Variants in BMF observed in about 807,000 individuals in gnomAD.
BMF encodes the protein Bcl2 modifying factor.
BMF carries 10 observed loss-of-function variants against 22.0 expected under a neutral mutation model. The ratio of observed to expected loss-of-function variants is 0.45; its 90% CI spans 0.28 to 0.77. The LOEUF is 0.77. Ranked by LOEUF, BMF falls within the 30% of genes least tolerant of loss-of-function variation. The pLI, the probability that BMF is intolerant of heterozygous loss-of-function variation, is 0.13. For synonymous variants in BMF, 87 were observed against 88.1 expected (o/e 0.99, Z 0.07); for missense variants, 206 against 226.8 (o/e 0.91, Z 0.59).
Position 40,094,221 on chromosome 15 carries a change from C to A in BMF, c.454-2333G>T, listed in dbSNP as rs546460622. On this transcript the variant is annotated intron_variant, in intron 4 of 4. Transcript: ENST00000354670. ...ATTCCACTAATGGAGGCCACCTACT[C>A]CCTGGGCAACTTGAGATCTCTGAAG... 2.6e-5 allele frequency among the ~76,000 whole-genome samples: 4 copies of A among 152,320 alleles called. No individual in the cohort carries two copies. The South Asian group carries it at 8.3e-4, about 32-fold the overall frequency.
chr15:40,098,271 G>A (rs1242178726), intron 4 of BMF, among the ~76,000 whole-genome samples: 3 of 152,158 alleles, frequency 2.0e-5, no homozygotes, highest in Non-Finnish European at 2.9e-5. Flanking sequence ...GGTACGGTTC[G>A]GGGACAGAGC....
intron 4 of BMF, among the ~76,000 whole-genome samples, chr15:40,097,102 A>C (rs1479700358): frequency 6.6e-6 from 1 of 152,232 alleles, no homozygotes; most frequent in African/African-American, 2.4e-5. Context: ...TTCCTGCTTG[A>C]AGGAAGCTAG....
At chr15:40,107,533 AGTGT>A (rs58296260) in intron 2 of BMF, among the ~76,000 whole-genome samples, 29,185 of 137,312 alleles carry the variant, frequency 0.21, 3,192 homozygotes, top group Non-Finnish European at 0.25. Context: ...GTGTTTCCCA[AGTGT>A]GTGTGTGTGT....
In BMF at chr15:40,106,101, G is replaced by C. The variant is rs751761765; in HGVS notation, c.-5-10C>G. The C allele has an allele frequency of 7.6e-6, 12 of 1,576,546 alleles. No individual in the cohort carries two copies. The South Asian group carries it at 1.4e-4, about 18-fold the overall frequency. ...GATGGCTCCATCTCTCCTGTGAGGG[G>C]GCAACGCAGGCATCTGGGCTGCTGC... On this transcript the variant is annotated splice_polypyrimidine_tract_variant and intron_variant, in intron 2 of 4. Coordinates refer to ENST00000354670, the MANE Select transcript of BMF (RefSeq NM_001003940.2). This position sits in a 1 kb window ranked among gnomAD's most constrained non-coding sequence, Gnocchi z 4.1.
At chr15:40,107,314 T>C (rs1222140845) in intron 2 of BMF, among the ~76,000 whole-genome samples, 1 of 152,238 alleles carries the variant, frequency 6.6e-6, no homozygotes. Flanking sequence ...AAATGGTCTA[T>C]GGATTGGTGA....
intron 4 of BMF, among the ~76,000 whole-genome samples, chr15:40,092,439 GCA>G (rs2036257393): frequency 6.8e-6 from 1 of 147,976 alleles, no homozygotes; most frequent in Non-Finnish European, 1.5e-5. Flanking sequence ...GTGCAAACAC[GCA>G]CACACACAGA....
intron 4 of BMF, among the ~76,000 whole-genome samples, chr15:40,103,237 T>G (rs2036515441): frequency 6.6e-6 from 1 of 152,268 alleles, no homozygotes; most frequent in African/African-American, 2.4e-5. Context: ...CAGAGCCAGC[T>G]GGGCTGGGGA....
At chr15:40,092,206 A>G (rs1351228093) in intron 4 of BMF, among the ~76,000 whole-genome samples, 2 of 152,222 alleles carry the variant, frequency 1.3e-5, no homozygotes, top group Non-Finnish European at 1.5e-5. Flanking sequence ...GCTGCTTTTA[A>G]TCAGATTGGC....
rs1201248997 is a variant in BMF, at chr15:40,087,968, G to T, written c.*3819C>A. 2.0e-5 allele frequency: 3 copies of T among 152,348 alleles called. No homozygotes were observed. The highest frequency in any genetic ancestry group is 2.9e-5 in the Non-Finnish European group (2 of 68,040). The allele number at this position is 152,348 out of a possible 1,614,324, so 9.4% of individuals were successfully genotyped here. A position where few individuals can be genotyped will look rare whatever the true frequency, so the allele number is the denominator to read the frequency against. On this transcript the variant is annotated 3_prime_UTR_variant, in exon 5 of 5. Coordinates refer to ENST00000354670, the MANE Select transcript of BMF (RefSeq NM_001003940.2). ...TACACACATACACACATATGCATGTGAAGAACATAAACACATAAAGCCAAA... is the reference window on the plus strand; with the variant it reads ...TACACACATACACACATATGCATGTTAAGAACATAAACACATAAAGCCAAA...
chr15:40,103,190 C>T (rs1371859831), intron 4 of BMF, among the ~76,000 whole-genome samples: 1 of 152,248 alleles, frequency 6.6e-6, no homozygotes, highest in African/African-American at 2.4e-5. Flanking sequence ...TATTTATTCC[C>T]TTGATTTCCT....
At position 40,089,546 on chromosome 15, in the gene BMF, G is replaced by T. The variant is rs948336535; in HGVS notation, c.*2241C>A. 6.6e-6 allele frequency: 1 copy of T among 152,238 alleles called. No homozygotes were observed. The highest frequency in any genetic ancestry group is 2.4e-5 in the African/African-American group (1 of 41,452). 9.4% of individuals were successfully genotyped at this position (152,238 alleles called of 1,614,324 possible). A position where few individuals can be genotyped will look rare whatever the true frequency, so the allele number is the denominator to read the frequency against. On this transcript the variant is annotated 3_prime_UTR_variant, in exon 5 of 5. Coordinates refer to ENST00000354670, the MANE Select transcript of BMF (RefSeq NM_001003940.2). The stretch of plus-strand genomic sequence containing the variant: ...TGTTGAGGTGGGTTTGTCAAAGTCT[G>T]GGCTCAGTTCTCAGGCCACAGGGCA...
intron 4 of BMF, among the ~76,000 whole-genome samples, chr15:40,093,168 G>A (rs571468426): frequency 2.0e-5 from 3 of 152,306 alleles, no homozygotes; most frequent in East Asian, 3.9e-4. Flanking sequence ...CCTTTCCCAG[G>A]GCCACCATGC....
intron 4 of BMF, among the ~76,000 whole-genome samples, chr15:40,102,575 G>C (rs534053817): frequency 1.3e-5 from 2 of 152,280 alleles, no homozygotes; most frequent in South Asian, 4.1e-4. Flanking sequence ...AGGCTCACCA[G>C]TGGATGGGGG....
At chr15:40,103,376 C>T (rs912014128) in intron 4 of BMF, among the ~76,000 whole-genome samples, 5 of 152,206 alleles carry the variant, frequency 3.3e-5, no homozygotes, top group African/African-American at 4.8e-5. Context: ...AAAGCCAGCC[C>T]GAAGAGGAAG....
chr15:40,097,347 T>A (rs1045409027), intron 4 of BMF, among the ~76,000 whole-genome samples: 9 of 152,056 alleles, frequency 5.9e-5, no homozygotes, highest in African/African-American at 1.9e-4. Context: ...GAGCTAAGAG[T>A]TATGTGGATA....
intron 4 of BMF, among the ~76,000 whole-genome samples, chr15:40,098,464 A>C (rs2036409642): frequency 6.6e-6 from 1 of 151,336 alleles, no homozygotes; most frequent in Non-Finnish European, 1.5e-5. Flanking sequence ...AGGGAGAGGG[A>C]GGGGGTTCGG....
chr15:40,106,112 C>T lies in BMF; in HGVS notation c.-5-21G>A. ...CTCTCCTGTGAGGGGGCAACGCAGGCATCTGGGCTGCTGCCCCACCAGGGC... is the reference window on the plus strand; with the variant it reads ...CTCTCCTGTGAGGGGGCAACGCAGGTATCTGGGCTGCTGCCCCACCAGGGC... On this transcript the variant is annotated intron_variant, in intron 2 of 4. Transcript: ENST00000354670. This position sits in a 1 kb window ranked among gnomAD's most constrained non-coding sequence, Gnocchi z 4.1. The T allele has an allele frequency of 6.4e-7, 1 of 1,562,124 alleles. No individual in the cohort carries two copies. The highest frequency in any genetic ancestry group is 2.3e-5 in the East Asian group (1 of 44,358).
chr15:40,105,925 G>A lies in BMF; in HGVS notation c.162C>T (p.His54=), dbSNP rs753708944. The A allele has an allele frequency of 4.3e-6, 7 of 1,614,200 alleles. 1 individual carries two copies. The South Asian group carries it at 6.6e-5, about 15-fold the overall frequency. ...TGGGTCGAAGGCCAGGGCCACAGCA[G>A]TGGGTGAGAGGGAAGAGCTGAAGTC... ...LSRLQLFPLT[H]CCGPGLRPTS... is the part of the protein sequence containing the mutation. Residue 54 remains histidine (H), a synonymous_variant, in exon 3 of 5, where the codon CAC becomes CAT. Transcript: ENST00000354670.
intron 4 of BMF, 127 bp from the exon 5 acceptor site, chr15:40,092,015 G>A (rs1262524684): frequency 1.4e-6 from 1 of 694,296 alleles, no homozygotes; most frequent in Non-Finnish European, 2.5e-6. Context: ...TATCAGTACA[G>A]CTCACAGCGG....
Sources: allele counts gnomAD v4.1 joint callset (sites outside exome capture counted in the v4.1 genomes callset), GRCh38; gene constraint gnomAD v4.1.1; non-coding constraint Gnocchi (gnomAD v3.1); transcripts MANE v1.5; gene names NCBI Gene and HGNC (gene_info 2026-07-23, HGNC 2026-07-21).